FKTN: variants seen among roughly 807,000 people sequenced by gnomAD.
The protein encoded by FKTN is ribitol-5-phosphate transferase FKTN.
In FKTN, 47 loss-of-function variants were observed where a neutral mutation model predicts 58.6. The observed-to-expected ratio is 0.80, with a 90% CI of 0.63 to 1.02. The LOEUF (loss-of-function observed/expected upper bound fraction) is 1.02. FKTN is among the 50% of genes least tolerant of loss of function. FKTN has a pLI of 0.00. For missense variants in FKTN, 516 were observed against 537.3 expected (o/e 0.96, Z 0.39); for synonymous variants, 178 against 191.9 (o/e 0.93, Z 0.60).
chr9:105,617,960 A>T lies in FKTN; in HGVS notation c.912A>T (p.Gly304=), dbSNP rs778424333. 4 of 1,573,464 alleles carry T rather than the reference A, an allele frequency of 2.5e-6. No individual in the cohort carries two copies. Among genetic ancestry groups the T allele is most frequent in the Non-Finnish European group, 3.5e-6 (4 of 1,146,440 alleles). Residue 304 remains glycine (G), a splice_region_variant and synonymous_variant, in exon 9 of 11, where the codon GGA becomes GGT. Coordinates refer to ENST00000357998, the MANE Select transcript of FKTN (RefSeq NM_001079802.2). ...AAAAAAATTTAATCTTCTTTTTAGGATGGTATCGACAATGCAACATTATTC... is the reference window on the plus strand; with the variant it reads ...AAAAAAATTTAATCTTCTTTTTAGGTTGGTATCGACAATGCAACATTATTC... The part of the protein sequence containing the change: ...PFWLSSGTCL[G]WYRQCNIIPY...
intron 10 of FKTN, among the ~76,000 whole-genome samples, chr9:105,622,182 G>GT: frequency 6.6e-6 from 1 of 151,856 alleles, no homozygotes; most frequent in South Asian, 2.1e-4. Context: ...AATATAATTG[G>GT]GAGCACATTA....
At chr9:105,592,958 C>G (rs1845173650) in intron 3 of FKTN, among the ~76,000 whole-genome samples, 1 of 152,210 alleles carries the variant, frequency 6.6e-6, no homozygotes, top group Non-Finnish European at 1.5e-5. Context: ...TTACCCAGTT[C>G]CAAAGTTACT....
At chr9:105,610,800 C>A (rs528636936) in intron 7 of FKTN, among the ~76,000 whole-genome samples, 1 of 152,110 alleles carries the variant, frequency 6.6e-6, no homozygotes, top group South Asian at 2.1e-4. Flanking sequence ...TGCACAAAAA[C>A]CTTTCTTGCT....
intron 4 of FKTN, among the ~76,000 whole-genome samples, chr9:105,599,848 T>G (rs906173331): frequency 6.6e-6 from 1 of 152,176 alleles, no homozygotes; most frequent in Non-Finnish European, 1.5e-5. Context: ...TATTTTCTCC[T>G]GCTCCATTTT....
intron 10 of FKTN, among the ~76,000 whole-genome samples, chr9:105,628,470 C>T (rs1467409908): frequency 2.6e-5 from 4 of 152,034 alleles, no homozygotes; most frequent in Non-Finnish European, 5.9e-5. Flanking sequence ...GATGAATAAG[C>T]AGTAAATCTT....
At chr9:105,597,250 A>AGATAG (rs762640314) in intron 4 of FKTN, among the ~76,000 whole-genome samples, 13 of 152,174 alleles carry the variant, frequency 8.5e-5, no homozygotes, top group Admixed American at 6.5e-5. Flanking sequence ...GGGAATGACC[A>AGATAG]GATATTTCTT....
rs144163431 is a variant in FKTN at position 105,563,237 on chromosome 9, C to T, written c.-181+5072C>T. ...CTCCCAGCGTGAGCGACGCAGAAGA[C>T]GGGTGATTTCTGCATTTCTAACTGA... On this transcript the variant is annotated intron_variant, in intron 1 of 10. Transcript: ENST00000357998. Among the ~76,000 whole-genome samples the T allele has an allele frequency of 5.8e-3, 888 of 152,264 alleles. 10 individuals carry two copies. Among genetic ancestry groups the T allele is most frequent in the African/African-American group, 0.021 (854 of 41,544 alleles).
At chr9:105,567,442 C>T (rs1839866488) in intron 1 of FKTN, among the ~76,000 whole-genome samples, 2 of 152,214 alleles carry the variant, frequency 1.3e-5, no homozygotes, top group Admixed American at 1.3e-4. Flanking sequence ...TAAGCAACTT[C>T]AGCAAAGTCT....
At position 105,635,059 on chromosome 9, in the gene FKTN, T is replaced by C. The variant is rs727502849; in HGVS notation, c.1181T>C (p.Phe394Ser). ...AKTGKKFKYL[F>S]PKFTLCWTEF... ...CCTCTGTTTTGCTGCAGATACCTGT[T>C]TCCGAAGTTTACACTGTGCTGGACT... is the stretch of plus-strand genomic sequence containing the variant. The change falls in exon 11 of 11, where the codon TTT becomes TCT. Residue 394 changes from phenylalanine to serine, a missense_variant. Transcript: ENST00000357998. 4 of 1,613,994 alleles carry C rather than the reference T, an allele frequency of 2.5e-6. No individual in the cohort carries two copies. Among genetic ancestry groups the C allele is most frequent in the Admixed American group, 1.7e-5 (1 of 60,004 alleles).
At chr9:105,626,737 C>T (rs563474775) in intron 10 of FKTN, among the ~76,000 whole-genome samples, 1 of 152,260 alleles carries the variant, frequency 6.6e-6, no homozygotes, top group East Asian at 1.9e-4. Context: ...CACATTTTTA[C>T]CAACGCTTGG....
intron 9 of FKTN, among the ~76,000 whole-genome samples, chr9:105,619,673 A>G (rs1393487153): frequency 6.6e-6 from 1 of 152,086 alleles, no homozygotes; most frequent in African/African-American, 2.4e-5. Context: ...CTGCAGTGAT[A>G]ATTACCATAA....
chr9:105,603,314 C>T lies in FKTN; in HGVS notation c.370-901C>T, dbSNP rs190410432. 1.1e-3 allele frequency among the ~76,000 whole-genome samples: 166 copies of T among 152,176 alleles called. 1 individual carries two copies. The highest frequency in any genetic ancestry group is 2.2e-4 in the Non-Finnish European group (15 of 68,012). ...CCCCCTCAGTCAGTGCTTTCTACTT[C>T]TAAGGTGTACCAAGAAAGAAAAGGG... On this transcript the variant is annotated intron_variant, in intron 5 of 10. Transcript: ENST00000357998.
chr9:105,627,417 C>T (rs920947902), intron 10 of FKTN, among the ~76,000 whole-genome samples: 7 of 152,092 alleles, frequency 4.6e-5, no homozygotes, highest in African/African-American at 7.2e-5. Flanking sequence ...CTTGTACTAC[C>T]TTCTAGAAAC....
chr9:105,624,852 T>C (rs2133304750), intron 10 of FKTN, among the ~76,000 whole-genome samples: 1 of 152,310 alleles, frequency 6.6e-6, no homozygotes, highest in East Asian at 1.9e-4. Context: ...TGATTTTAGC[T>C]GAGTGAGCCC....
At position 105,596,677 on chromosome 9, in the gene FKTN, A is replaced by C. The variant is rs1298980072; in HGVS notation, c.165+20A>C. On this transcript the variant is annotated intron_variant, in intron 4 of 10. Transcript: ENST00000357998. The stretch of plus-strand genomic sequence containing the variant: ...CAGTGGGTATGTAGAATAAACAAGA[A>C]ATTTCTCAATTATAATGTTCATTTA... 1 of 1,521,060 alleles carries C rather than the reference A, an allele frequency of 6.6e-7. No homozygotes were observed. Among genetic ancestry groups the C allele is most frequent in the East Asian group, 2.3e-5 (1 of 44,402 alleles). 94.2% of individuals were successfully genotyped at this position (1,521,060 alleles called of 1,614,324 possible).
intron 3 of FKTN, among the ~76,000 whole-genome samples, chr9:105,583,007 TAGCAGGCTTC>T (rs1843295231): frequency 1.3e-5 from 2 of 152,230 alleles, no homozygotes; most frequent in Admixed American, 6.5e-5. Flanking sequence ...TAGTGTGATC[TAGCAGGCTTC>T]TAGTTTTGTG....
intron 10 of FKTN, among the ~76,000 whole-genome samples, chr9:105,626,793 T>C (rs1047837525): frequency 7.2e-5 from 11 of 152,298 alleles, no homozygotes; most frequent in Middle Eastern, 3.4e-3. Flanking sequence ...AGGTGTGTAG[T>C]GTTACCAAAT....
intron 7 of FKTN, among the ~76,000 whole-genome samples, chr9:105,610,685 C>T (rs1448355289): frequency 1.3e-5 from 2 of 151,916 alleles, no homozygotes; most frequent in Non-Finnish European, 2.9e-5. Flanking sequence ...CTTTCCTCAC[C>T]CTGCTTGGGC....
Position 105,639,594 on chromosome 9 carries a change from C to T in FKTN, c.*4330C>T. ...AAATGGAATTATAGAAACCATGGGT[C>T]AGAACATATTCCTTTACTCAAAAGA... On this transcript the variant is annotated 3_prime_UTR_variant, in exon 11 of 11. Transcript: ENST00000357998. 1.0e-6 allele frequency: 1 copy of T among 979,536 alleles called. No homozygotes were observed. Among genetic ancestry groups the T allele is most frequent in the Non-Finnish European group, 1.2e-6 (1 of 824,850 alleles). The allele number at this position is 979,536 out of a possible 1,614,324, so 60.7% of individuals were successfully genotyped here.
Sources: allele counts gnomAD v4.1 joint callset (sites outside exome capture counted in the v4.1 genomes callset), GRCh38; gene constraint gnomAD v4.1.1; transcripts MANE v1.5; gene names NCBI Gene and HGNC (gene_info 2026-07-23, HGNC 2026-07-21).